Variants in PFKFB4 observed in about 807,000 individuals in gnomAD.
PFKFB4 encodes the protein 6-phosphofructo-2-kinase/fructose-2,6-biphosphatase 4.
A neutral mutation model predicts 62.8 loss-of-function variants in PFKFB4; 42 were observed. The ratio of observed to expected loss-of-function variants is 0.67; its 90% CI spans 0.52 to 0.86. The LOEUF (loss-of-function observed/expected upper bound fraction) is 0.86, where lower values mean the gene tolerates loss of function less well. Among genes scored for constraint, PFKFB4 ranks in the 40% least tolerant of loss-of-function variants. PFKFB4 has a pLI of 0.00. For synonymous variants in PFKFB4, 204 were observed against 240.7 expected (o/e 0.85, Z 1.41); for missense variants, 475 against 627.2 (o/e 0.76, Z 2.59).
At chr3:48,537,813 C>T (rs1181173205) in intron 7 of PFKFB4, among the ~76,000 whole-genome samples, 2 of 152,192 alleles carry the variant, frequency 1.3e-5, no homozygotes, top group Non-Finnish European at 2.9e-5. Context: ...GCATAAGCCA[C>T]TCTGCCCGGC....
chr3:48,549,720 C>A lies in PFKFB4; in HGVS notation c.311+144G>T. 4 of 643,124 alleles carry A rather than the reference C, an allele frequency of 6.2e-6. No individual in the cohort carries two copies. The Admixed American group carries it at 9.6e-5, about 15-fold the overall frequency. The allele number at this position is 643,124 out of a possible 1,614,324, so 39.8% of individuals were successfully genotyped here. A position where few individuals can be genotyped will look rare whatever the true frequency, so the allele number is the denominator to read the frequency against. On this transcript the variant is annotated intron_variant, in intron 3 of 13. Transcript: ENST00000232375. ...CTGTCACACAGCCATCAGGGCTGGG[C>A]AAGGCCAGGGCTCAGGAGTAGCTCA...
At chr3:48,557,177 T>C (rs1042092980), upstream of PFKFB4, among the ~76,000 whole-genome samples, 1 of 152,372 alleles carries the variant, frequency 6.6e-6, no homozygotes, top group East Asian at 1.9e-4. Context: ...GGCTCCGCCC[T>C]GGCGCTGCAT....
intron 1 of PFKFB4, among the ~76,000 whole-genome samples, chr3:48,555,928 A>G (rs544646428): frequency 6.6e-6 from 1 of 151,484 alleles, no homozygotes; most frequent in East Asian, 1.9e-4. Flanking sequence ...AAAAACTGCC[A>G]GCTCATTTAA....
intron 9 of PFKFB4, 33 bp from the exon 10 acceptor site, chr3:48,525,702 C>G: frequency 7.8e-7 from 1 of 1,284,250 alleles, no homozygotes; most frequent in Non-Finnish European, 1.1e-6. Flanking sequence ...ACACCTCCTA[C>G]AGGCCCAGAA....
Position 48,535,508 on chromosome 3 carries a change from C to G in PFKFB4, c.987+4G>C. On this transcript the variant is annotated splice_donor_region_variant and intron_variant, in intron 9 of 13. Coordinates refer to ENST00000232375, the MANE Select transcript of PFKFB4 (RefSeq NM_004567.4). ...GTAGACAGGGAGGGAGGGACGGTAACTACCGCATCGATCTCGTTGAGGACC... is the reference window on the plus strand; with the variant it reads ...GTAGACAGGGAGGGAGGGACGGTAAGTACCGCATCGATCTCGTTGAGGACC... The G allele has an allele frequency of 1.2e-6, 2 of 1,612,634 alleles. No homozygotes were observed. Among genetic ancestry groups the G allele is most frequent in the Non-Finnish European group, 1.7e-6 (2 of 1,178,860 alleles).
At chr3:48,530,080 C>T (rs2042385234) in intron 9 of PFKFB4, among the ~76,000 whole-genome samples, 1 of 152,044 alleles carries the variant, frequency 6.6e-6, no homozygotes, top group Non-Finnish European at 1.5e-5. Flanking sequence ...TGGTGAAACC[C>T]TGTCTCTACT....
intron 6 of PFKFB4, 93 bp from the exon 7 acceptor site, chr3:48,538,712 A>C: frequency 1.3e-6 from 2 of 1,544,252 alleles, no homozygotes; most frequent in Admixed American, 3.6e-5. Flanking sequence ...GGGCTGGAGG[A>C]GGTTGCACCG....
rs973346042 is a variant in PFKFB4 at position 48,518,387 on chromosome 3, G to C, written c.*1360C>G. The C allele has an allele frequency of 6.6e-6, 1 of 152,334 alleles. No homozygotes were observed. The highest frequency in any genetic ancestry group is 1.5e-5 in the Non-Finnish European group (1 of 68,112). The allele number at this position is 152,334 out of a possible 1,614,324, so 9.4% of individuals were successfully genotyped here. ...CCAGGCACAGGCCAGGAAAGGCTCC[G>C]GACACAAAGGACTTGGGATCCAGGG... On this transcript the variant is annotated 3_prime_UTR_variant, in exon 14 of 14. Transcript: ENST00000232375.
At chr3:48,530,740 C>T (rs2042403221) in intron 9 of PFKFB4, among the ~76,000 whole-genome samples, 1 of 152,148 alleles carries the variant, frequency 6.6e-6, no homozygotes, top group African/African-American at 2.4e-5. Flanking sequence ...CAGAGTCTTG[C>T]TCTGTCACCC....
At chr3:48,562,511 C>A (rs13319635), upstream of PFKFB4, 21,050 of 505,798 alleles carry the variant, frequency 0.042, 587 homozygotes, top group African/African-American at 0.089. This position sits in a 1 kb window ranked among gnomAD's most constrained non-coding sequence, Gnocchi z 4.3. Context: ...CTGTGGGGCA[C>A]ACAGGCATGG....
chr3:48,523,657 C>T, intron 11 of PFKFB4, 44 bp downstream of exon 11: 1 of 1,614,114 alleles, frequency 6.2e-7, no homozygotes, highest in Non-Finnish European at 8.5e-7. Flanking sequence ...CAGTGCCTAC[C>T]TTCTCACACA....
intron 7 of PFKFB4, among the ~76,000 whole-genome samples, chr3:48,537,144 G>T (rs1377730005): frequency 6.6e-6 from 1 of 152,206 alleles, no homozygotes; most frequent in Non-Finnish European, 1.5e-5. Context: ...ATCAGTCTCT[G>T]GGTGTGGGGG....
At chr3:48,539,637 C>A in intron 5 of PFKFB4, 60 bp downstream of exon 5, 1 of 1,385,458 alleles carries the variant, frequency 7.2e-7, no homozygotes, top group Non-Finnish European at 1.0e-6. Flanking sequence ...GTGAAAGGAG[C>A]CCTGGAGGGC....
At position 48,518,735 on chromosome 3, in the gene PFKFB4, GT is replaced by G. The variant is rs1002215952; in HGVS notation, c.*1011del. The G allele has an allele frequency of 6.6e-6, 1 of 152,296 alleles. No individual in the cohort carries two copies. The highest frequency in any genetic ancestry group is 2.4e-5 in the African/African-American group (1 of 41,472). The allele number at this position is 152,296 out of a possible 1,614,324, so 9.4% of individuals were successfully genotyped here. A position where few individuals can be genotyped will look rare whatever the true frequency, so the allele number is the denominator to read the frequency against. ...GCAGAAGTCAACAAACACCAGAGAA[GT>G]TTTACAGGACCATACAAGTGTTTCT... On this transcript the variant is annotated 3_prime_UTR_variant, in exon 14 of 14. Transcript: ENST00000232375.
Position 48,528,632 on chromosome 3 carries a change from A to G in PFKFB4, c.988-2963T>C, listed in dbSNP as rs115812621. ...GAGCTAAGATCGTGCTACTGCACTC[A>G]GCCTGGGCAACAAAGCAAGACCCTG... On this transcript the variant is annotated intron_variant, in intron 9 of 13. Coordinates refer to ENST00000232375, the MANE Select transcript of PFKFB4 (RefSeq NM_004567.4). Among the ~76,000 whole-genome samples, 1,160 of 152,328 alleles carry G rather than the reference A, an allele frequency of 7.6e-3. 16 individuals are homozygous for G. The highest frequency in any genetic ancestry group is 0.027 in the African/African-American group (1,111 of 41,570).
Position 48,539,776 on chromosome 3 carries a change from G to C in PFKFB4, c.379-5C>G. 6.2e-7 allele frequency: 1 copy of C among 1,613,042 alleles called. No homozygotes were observed. Among genetic ancestry groups the C allele is most frequent in the Non-Finnish European group, 8.5e-7 (1 of 1,179,002 alleles). On this transcript the variant is annotated splice_region_variant and splice_polypyrimidine_tract_variant and intron_variant, in intron 4 of 13. Coordinates refer to ENST00000232375, the MANE Select transcript of PFKFB4 (RefSeq NM_004567.4). ...GGTGTTTGTGGCATCAAAAACCTAG[G>C]ACCAAACTAGGGTTAACTCAGCCTC...
At chr3:48,562,388 G>C (rs1459623357), upstream of PFKFB4, 1 of 218,152 alleles carries the variant, frequency 4.6e-6, no homozygotes, top group Non-Finnish European at 9.1e-6. The surrounding 1 kb of genome is among the most constrained non-coding windows in gnomAD (Gnocchi z 4.3). Context: ...GATGATGACT[G>C]CATGTGGCGG....
chr3:48,555,203 T>C (rs902239294), intron 1 of PFKFB4, among the ~76,000 whole-genome samples: 3 of 152,042 alleles, frequency 2.0e-5, no homozygotes, highest in African/African-American at 7.2e-5. Flanking sequence ...GGGGTGGCCA[T>C]AGCCCTCAGG....
chr3:48,543,526 T>A, intron 4 of PFKFB4, 54 bp downstream of exon 4: 1 of 1,489,216 alleles, frequency 6.7e-7, no homozygotes, highest in Non-Finnish European at 9.2e-7. Flanking sequence ...AAGGCACAGA[T>A]GTGGATGGGC....
Sources: allele counts gnomAD v4.1 joint callset (sites outside exome capture counted in the v4.1 genomes callset), GRCh38; gene constraint gnomAD v4.1.1; non-coding constraint Gnocchi (gnomAD v3.1); transcripts MANE v1.5; gene names NCBI Gene and HGNC (gene_info 2026-07-23, HGNC 2026-07-21).